FOXP2: variants seen among roughly 807,000 people sequenced by gnomAD.
The protein encoded by FOXP2 is forkhead box P2, also known as forkhead box protein P2.
In FOXP2, 12 loss-of-function variants were observed where a neutral mutation model predicts 115.8. That is an observed-to-expected ratio of 0.10 (90% confidence interval 0.07 to 0.17). The LOEUF (loss-of-function observed/expected upper bound fraction) is 0.17, where lower values mean the gene tolerates loss of function less well. Ranked by LOEUF, FOXP2 falls within the 10% of genes least tolerant of loss-of-function variation. The pLI is 1.00. For synonymous variants in FOXP2, 328 were observed against 297.7 expected (o/e 1.10, Z -1.05); for missense variants, 629 against 843.5 (o/e 0.75, Z 3.15).
intron 2 of FOXP2, among the ~76,000 whole-genome samples, chr7:114,318,358 C>G (rs1400750659): frequency 7.0e-6 from 1 of 142,224 alleles, no homozygotes; most frequent in Non-Finnish European, 1.5e-5. Context: ...ATGTTTTCTA[C>G]TTAGCATGAT....
intron 1 of FOXP2, among the ~76,000 whole-genome samples, chr7:114,205,300 A>C: frequency 6.6e-6 from 1 of 152,190 alleles, no homozygotes; most frequent in Non-Finnish European, 1.5e-5. Context: ...AAGAAACAAA[A>C]AAGGAAGATC....
chr7:114,169,725 T>G (rs941618139), intron 1 of FOXP2, among the ~76,000 whole-genome samples: 5 of 47,514 alleles, frequency 1.1e-4, no homozygotes, highest in Admixed American at 8.9e-4. Context: ...GGTTTGGCTG[T>G]GTGTCCTCAC....
intron 8 of FOXP2, among the ~76,000 whole-genome samples, chr7:114,648,287 T>G (rs1806034061): frequency 6.6e-6 from 1 of 152,076 alleles, no homozygotes; most frequent in Non-Finnish European, 1.5e-5. Flanking sequence ...CTCTGAAAAC[T>G]AAGGCATCTC....
chr7:114,344,960 A>C (rs1439040685), intron 2 of FOXP2, among the ~76,000 whole-genome samples: 1 of 151,840 alleles, frequency 6.6e-6, no homozygotes, highest in Non-Finnish European at 1.5e-5. Flanking sequence ...AAATTTATTT[A>C]TAAAAAAGTG....
At chr7:114,432,098 G>A (rs1428538798) in intron 2 of FOXP2, among the ~76,000 whole-genome samples, 3 of 151,930 alleles carry the variant, frequency 2.0e-5, no homozygotes, top group African/African-American at 7.2e-5. Flanking sequence ...CTAGTAGATA[G>A]TACCCACACA....
intron 2 of FOXP2, among the ~76,000 whole-genome samples, chr7:114,451,075 A>G (rs868403931): frequency 3.5e-4 from 54 of 152,196 alleles, no homozygotes; most frequent in African/African-American, 1.3e-3. Flanking sequence ...ATAATCATCA[A>G]CTAATGTTTT....
chr7:114,156,699 G>C (rs1035390586), intron 1 of FOXP2, among the ~76,000 whole-genome samples: 1 of 151,982 alleles, frequency 6.6e-6, no homozygotes. Flanking sequence ...CTCATATTTG[G>C]CTGAGAAAAA....
intron 16 of FOXP2, among the ~76,000 whole-genome samples, chr7:114,676,096 T>TG (rs1178307402): frequency 6.7e-5 from 9 of 134,458 alleles, no homozygotes; most frequent in African/African-American, 2.3e-4. Flanking sequence ...TTTTTTTTTT[T>TG]TTTTGTATTT....
chr7:114,545,393 C>T (rs1411284847), intron 3 of FOXP2, among the ~76,000 whole-genome samples: 1 of 152,096 alleles, frequency 6.6e-6, no homozygotes, highest in Non-Finnish European at 1.5e-5. Context: ...CTCTGATCAG[C>T]CTTTTCAGGA....
chr7:114,539,463 A>C (rs189961854), intron 3 of FOXP2, among the ~76,000 whole-genome samples: 1 of 152,066 alleles, frequency 6.6e-6, no homozygotes, highest in East Asian at 1.9e-4. Context: ...ATGATGCCAG[A>C]AATTTAGAAA....
intron 8 of FOXP2, among the ~76,000 whole-genome samples, chr7:114,646,749 G>A (rs572054888): frequency 2.0e-5 from 3 of 151,962 alleles, no homozygotes; most frequent in Non-Finnish European, 4.4e-5. Context: ...TTCTGTAGTG[G>A]CATTGTCTTC....
At chr7:114,681,807 A>G (rs1808095422) in intron 16 of FOXP2, among the ~76,000 whole-genome samples, 1 of 152,200 alleles carries the variant, frequency 6.6e-6, no homozygotes, top group African/African-American at 2.4e-5. Flanking sequence ...TAATAACTCT[A>G]ATGCCAGGCA....
At chr7:114,498,776 T>C (rs1426218251) in intron 2 of FOXP2, 3 of 703,396 alleles carry the variant, frequency 4.3e-6, no homozygotes, top group Non-Finnish European at 5.3e-6. Context: ...TTTATAGGCA[T>C]ACTTTGCAAA....
chr7:114,663,344 A>G, intron 14 of FOXP2, 106 bp from the exon 15 acceptor site: 1 of 788,636 alleles, frequency 1.3e-6, no homozygotes, highest in Non-Finnish European at 2.1e-6. Flanking sequence ...TCCAGTATGG[A>G]CTATTAGTGT....
rs575184721 is a variant in FOXP2 at position 114,261,295 on chromosome 7, C to T, written c.-101-26724C>T. Among the ~76,000 whole-genome samples the T allele has an allele frequency of 5.3e-5, 8 of 152,242 alleles. No individual in the cohort carries two copies. The East Asian group carries it at 1.5e-3, about 29-fold the overall frequency. On this transcript the variant is annotated intron_variant, in intron 1 of 17. Coordinates refer to the FOXP2 transcript ENST00000634411. ...CTCACTAATAAAGTTGTAGCAAAGT[C>T]GCTATGCTAACTTTACTTTTTGCAC...
At chr7:114,631,808 T>C (rs1804938935) in intron 6 of FOXP2, 103 bp downstream of exon 6, 2 of 1,157,720 alleles carry the variant, frequency 1.7e-6, no homozygotes, top group Admixed American at 3.8e-5. Flanking sequence ...TTTATGACTT[T>C]CAAATTTATT....
chr7:114,276,077 G>C (rs754958694), intron 1 of FOXP2, among the ~76,000 whole-genome samples: 1 of 152,144 alleles, frequency 6.6e-6, no homozygotes, highest in African/African-American at 2.4e-5. Flanking sequence ...CTATCCCAGC[G>C]GGGTAGGCTC....
intron 2 of FOXP2, among the ~76,000 whole-genome samples, chr7:114,503,963 A>G (rs1370075906): frequency 2.0e-5 from 3 of 151,650 alleles, no homozygotes; most frequent in East Asian, 1.9e-4. Flanking sequence ...TATATTTCTA[A>G]CAAGCATTAA....
chr7:114,217,243 T>C (rs1368546985), intron 1 of FOXP2, among the ~76,000 whole-genome samples: 1 of 152,184 alleles, frequency 6.6e-6, no homozygotes, highest in Non-Finnish European at 1.5e-5. Context: ...CCTTGAAGAA[T>C]AGCATTTATT....
Sources: allele counts gnomAD v4.1 joint callset (sites outside exome capture counted in the v4.1 genomes callset), GRCh38; gene constraint gnomAD v4.1.1; transcripts MANE v1.5; gene names NCBI Gene and HGNC (gene_info 2026-07-23, HGNC 2026-07-21).